The following SERPINC1 variants were observed in gnomAD, a reference collection of about 807,000 sequenced individuals.
The protein encoded by SERPINC1 is serpin family C member 1.
A neutral mutation model predicts 43.4 loss-of-function variants in SERPINC1; 12 were observed. The observed-to-expected ratio is 0.28, with a 90% confidence interval of 0.18 to 0.45. The LOEUF (loss-of-function observed/expected upper bound fraction) is 0.45, where lower values mean the gene tolerates loss of function less well. SERPINC1 is among the 20% of genes least tolerant of loss of function. SERPINC1 has a pLI of 1.00. For missense variants in SERPINC1, 423 were observed against 578.8 expected (o/e 0.73, Z 2.76); for synonymous variants, 210 against 218.9 (o/e 0.96, Z 0.36).
At position 173,917,245 on chromosome 1, in the gene SERPINC1, C is replaced by A. The variant is rs778745435; in HGVS notation, c.15G>T (p.Val5=). The change falls in exon 1 of 7, where the codon GTG becomes GTT. Residue 5 remains valine, a synonymous_variant. Coordinates refer to ENST00000367698, the MANE Select transcript of SERPINC1 (RefSeq NM_000488.4). The stretch of plus-strand genomic sequence containing the variant: ...TTTTTCCAGAGGTTACAGTTCCTAT[C>A]ACATTGGAATACATGGCCGCTAATC... MYSN[V]IGTVTSGKRK... is the part of the protein sequence containing the mutation. 1 of 1,614,034 alleles carries A rather than the reference C, an allele frequency of 6.2e-7. No individual in the cohort carries two copies. The highest frequency in any genetic ancestry group is 2.2e-5 in the East Asian group (1 of 44,882).
chr1:173,913,416 C>T (rs1434022949), intron 2 of SERPINC1, among the ~76,000 whole-genome samples: 1 of 152,172 alleles, frequency 6.6e-6, no homozygotes, highest in Non-Finnish European at 1.5e-5. Flanking sequence ...CCATACTTCC[C>T]AGAGCCAGAA....
At chr1:173,916,209 A>G (rs1657983084) in intron 1 of SERPINC1, among the ~76,000 whole-genome samples, 2 of 152,220 alleles carry the variant, frequency 1.3e-5, no homozygotes, top group African/African-American at 2.4e-5. Context: ...TTTTTTGTAG[A>G]TAAGACAGGG....
chr1:173,916,553 A>G (rs1658000010), intron 1 of SERPINC1, among the ~76,000 whole-genome samples: 1 of 152,130 alleles, frequency 6.6e-6, no homozygotes, highest in Non-Finnish European at 1.5e-5. Flanking sequence ...TCATCTTCCC[A>G]TCTCCACTGC....
chr1:173,910,986 G>T, intron 3 of SERPINC1, 95 bp from the exon 4 acceptor site: 2 of 1,394,140 alleles, frequency 1.4e-6, no homozygotes, highest in Non-Finnish European at 1.0e-6. Flanking sequence ...CCATCCCTCT[G>T]TCCTTTCCCA....
Position 173,907,452 on chromosome 1 carries a change from C to G in SERPINC1, c.1216G>C (p.Glu406Gln), listed in dbSNP as rs540730281. The G allele has an allele frequency of 6.2e-7, 1 of 1,611,382 alleles. No individual in the cohort carries two copies. Among genetic ancestry groups the G allele is most frequent in the East Asian group, 2.2e-5 (1 of 44,858 alleles). ...GAGAGTGGGGAAGGTGTACTCACCT[C>G]AAGAAATGCCTTATGGAATGCATCT... ...VSDAFHKAFL[E>Q]VNEEGSEAAA... The change falls in exon 6 of 7, where the codon GAG becomes CAG. Residue 406 changes from glutamate to glutamine, a missense_variant and splice_region_variant. Glu to Gln is a conservative substitution (Grantham distance 29). Transcript: ENST00000367698.
Position 173,903,869 on chromosome 1 carries a change from G to A in SERPINC1, c.*20C>T, listed in dbSNP as rs1336444125. On this transcript the variant is annotated 3_prime_UTR_variant, in exon 7 of 7. Transcript: ENST00000367698. ...GTTCACAAACCAAAAATAGGAAGAG[G>A]TGCAAAGAATAAGAACATTTTACTT... 6.2e-7 allele frequency: 1 copy of A among 1,610,334 alleles called. No homozygotes were observed. The highest frequency in any genetic ancestry group is 8.5e-7 in the Non-Finnish European group (1 of 1,176,722).
chr1:173,904,177 A>T, intron 6 of SERPINC1, 112 bp from the exon 7 acceptor site: 1 of 1,046,442 alleles, frequency 9.6e-7, no homozygotes, highest in Non-Finnish European at 1.5e-6. Flanking sequence ...TTCCAGTAAA[A>T]AGTACATTTG....
intron 2 of SERPINC1, among the ~76,000 whole-genome samples, chr1:173,913,904 C>T (rs1657878111): frequency 6.6e-6 from 1 of 151,736 alleles, no homozygotes; most frequent in African/African-American, 2.4e-5. Context: ...GTGGTGAAAC[C>T]CCATCTCTAC....
Position 173,907,527 on chromosome 1 carries a change from C to A in SERPINC1, c.1154-13G>T. The A allele has an allele frequency of 6.2e-7, 1 of 1,611,376 alleles. No individual in the cohort carries two copies. Among genetic ancestry groups the A allele is most frequent in the Non-Finnish European group, 8.5e-7 (1 of 1,177,546 alleles). ...TCTGCAACAATACCTGGAAGGAAGA[C>A]CGGAGAAGTCTTTGTGAGATGGGAG... On this transcript the variant is annotated splice_polypyrimidine_tract_variant and intron_variant, in intron 5 of 6. Coordinates refer to ENST00000367698, the MANE Select transcript of SERPINC1 (RefSeq NM_000488.4).
Position 173,914,791 on chromosome 1 carries a change from G to A in SERPINC1, c.170C>T (p.Ser57Phe). The A allele has an allele frequency of 6.2e-7, 1 of 1,614,092 alleles. No homozygotes were observed. The highest frequency in any genetic ancestry group is 8.5e-7 in the Non-Finnish European group (1 of 1,179,942). ...IPMNPMCIYR[S>F]PEKKATEDEG... ...ATCCTCAGTTGCCTTCTTCTCCGGGGAGCGGTAAATGCACATGGGATTCAT... is the reference window on the plus strand; with the variant it reads ...ATCCTCAGTTGCCTTCTTCTCCGGGAAGCGGTAAATGCACATGGGATTCAT... Residue 57 changes from serine to phenylalanine, a missense_variant, in exon 2 of 7, where the codon TCC becomes TTC. Transcript: ENST00000367698.
chr1:173,904,122 A>C (rs946285511), intron 6 of SERPINC1, 57 bp from the exon 7 acceptor site: 2 of 1,541,912 alleles, frequency 1.3e-6, no homozygotes, highest in African/African-American at 2.7e-5. Flanking sequence ...CATTTTTGGC[A>C]GGTAAATCAT....
At chr1:173,907,785 TCTAA>T (rs969651368) in intron 5 of SERPINC1, among the ~76,000 whole-genome samples, 8 of 151,452 alleles carry the variant, frequency 5.3e-5, no homozygotes, top group African/African-American at 1.9e-4. Flanking sequence ...TTGGAGACAC[TCTAA>T]CTAATATGGT....
In SERPINC1 at chr1:173,903,979, C is replaced by T; in HGVS notation, c.1305G>A (p.Lys435=). 1 of 1,614,206 alleles carries T rather than the reference C, an allele frequency of 6.2e-7. No homozygotes were observed. The highest frequency in any genetic ancestry group is 1.1e-5 in the South Asian group (1 of 91,086). The part of the protein sequence containing the change: ...RSLNPNRVTF[K]ANRPFLVFIR... ...TAAAAACCAGGAAAGGCCTGTTGGC[C>T]TTGAAAGTCACCCTGTTGGGGTTTA... is the stretch of plus-strand genomic sequence containing the variant. Residue 435 remains lysine (K), a synonymous_variant, in exon 7 of 7, where the codon AAG becomes AAA. Coordinates refer to ENST00000367698, the MANE Select transcript of SERPINC1 (RefSeq NM_000488.4).
Position 173,917,203 on chromosome 1 carries a change from A to C in SERPINC1, c.41+16T>G. 6.2e-7 allele frequency: 1 copy of C among 1,612,884 alleles called. No homozygotes were observed. Among genetic ancestry groups the C allele is most frequent in the East Asian group, 2.2e-5 (1 of 44,866 alleles). The stretch of plus-strand genomic sequence containing the variant: ...ACCCAGTAGGGGCAGGCAAGGGGAA[A>C]GCTCACCCCTCTTACCTTTTTCCAG... On this transcript the variant is annotated intron_variant, in intron 1 of 6. Coordinates refer to ENST00000367698, the MANE Select transcript of SERPINC1 (RefSeq NM_000488.4).
chr1:173,910,685 A>G (rs1657732912), intron 4 of SERPINC1, 69 bp downstream of exon 4: 10 of 1,296,064 alleles, frequency 7.7e-6, no homozygotes, highest in South Asian at 1.2e-5. Flanking sequence ...CTCGCCATTT[A>G]AAAAAAAAGG....
rs1657923836 is a variant in SERPINC1 at position 173,914,841 on chromosome 1, G to A, written c.120C>T (p.Cys40=). The A allele has an allele frequency of 1.9e-6, 3 of 1,614,242 alleles. No homozygotes were observed. The highest frequency in any genetic ancestry group is 2.5e-6 in the Non-Finnish European group (3 of 1,180,056). Residue 40 remains cysteine (C), a synonymous_variant, in exon 2 of 7, where the codon TGC becomes TGT. Transcript: ENST00000367698. The part of the protein sequence containing the change: ...VTCHGSPVDI[C]TAKPRDIPMN... ...TGGGAATGTCCCGCGGCTTGGCTGTGCAGATGTCCACAGGGCTCCCGTGAC... is the reference window on the plus strand; with the variant it reads ...TGGGAATGTCCCGCGGCTTGGCTGTACAGATGTCCACAGGGCTCCCGTGAC...
rs1332839156 is a variant in SERPINC1, at chr1:173,912,316, T to A, written c.409-302A>T. Among the ~76,000 whole-genome samples, 4 of 152,316 alleles carry A rather than the reference T, an allele frequency of 2.6e-5. No homozygotes were observed. In the South Asian group the frequency reaches 8.3e-4, roughly 32 times the overall value. On this transcript the variant is annotated intron_variant, in intron 2 of 6. Coordinates refer to ENST00000367698, the MANE Select transcript of SERPINC1 (RefSeq NM_000488.4). ...GCTGGAATGGGAAAAGTCCTCTTGG[T>A]GATTCTGGACAGAGAAGAGAATCAG...
intron 5 of SERPINC1, 22 bp from the exon 6 acceptor site, chr1:173,907,536 T>G: frequency 1.9e-6 from 3 of 1,605,724 alleles, no homozygotes; most frequent in Non-Finnish European, 2.6e-6. Context: ...ACCGGAGAAG[T>G]CTTTGTGAGA....
At chr1:173,910,636 T>C (rs1657730934) in intron 4 of SERPINC1, 118 bp downstream of exon 4, 4 of 847,784 alleles carry the variant, frequency 4.7e-6, no homozygotes, top group South Asian at 4.2e-5. Context: ...TGTACCTGTG[T>C]AGCTTTCGGC....
Sources: gnomAD v4.1 joint callset for allele counts (sites outside exome capture counted in the v4.1 genomes callset) on GRCh38, gnomAD v4.1.1 for gene constraint, MANE v1.5 for transcripts, NCBI Gene and HGNC (gene_info 2026-07-23, HGNC 2026-07-21) for gene names.